The following MAN1A1 variants were observed in gnomAD, a reference collection of about 807,000 sequenced individuals.
MAN1A1 encodes mannosyl-oligosaccharide 1,2-alpha-mannosidase IA.
A neutral mutation model predicts 70.8 loss-of-function variants in MAN1A1; 29 were observed. That is an observed-to-expected ratio of 0.41 (90% CI 0.31 to 0.56). The LOEUF (loss-of-function observed/expected upper bound fraction) is 0.56, where lower values mean the gene tolerates loss of function less well. Among genes scored for constraint, MAN1A1 ranks in the 20% least tolerant of loss-of-function variants. The probability of loss-of-function intolerance (pLI) is 0.29; values close to 1 mark genes in which losing one functional copy is unlikely to be tolerated. For synonymous variants in MAN1A1, 349 were observed against 330.1 expected (o/e 1.06, Z -0.62); for missense variants, 747 against 841.3 (o/e 0.89, Z 1.39).
intron 6 of MAN1A1, among the ~76,000 whole-genome samples, chr6:119,224,297 C>T (rs1363850474): frequency 6.6e-6 from 1 of 152,202 alleles, no homozygotes; most frequent in Non-Finnish European, 1.5e-5. Flanking sequence ...ACTCCTGAAT[C>T]CATGCTCTAC....
chr6:119,260,564 T>C (rs1775578863), intron 5 of MAN1A1, among the ~76,000 whole-genome samples: 1 of 152,218 alleles, frequency 6.6e-6, no homozygotes, highest in African/African-American at 2.4e-5. Flanking sequence ...AAAGTAGCCA[T>C]AGACAAAATG....
chr6:119,290,774 A>C lies in MAN1A1; in HGVS notation c.817-11T>G, dbSNP rs777030181. 3 of 1,564,678 alleles carry C rather than the reference A, an allele frequency of 1.9e-6. No individual in the cohort carries two copies. Among genetic ancestry groups the C allele is most frequent in the Admixed American group, 3.4e-5 (2 of 59,310 alleles). ...AGAAATTTCAGCATTCTATGGAAAA[A>C]AAAAATTCAAACATGATGATAGTAC... On this transcript the variant is annotated splice_polypyrimidine_tract_variant and intron_variant, in intron 4 of 12. Coordinates refer to ENST00000368468, the MANE Select transcript of MAN1A1 (RefSeq NM_005907.4).
At chr6:119,269,082 G>A (rs1775840508) in intron 5 of MAN1A1, 3 of 75,100 alleles carry the variant, frequency 4.0e-5, no homozygotes, top group South Asian at 1.1e-3. Flanking sequence ...CGGCAGCAAC[G>A]GTGGAAGGGC....
intron 6 of MAN1A1, among the ~76,000 whole-genome samples, chr6:119,217,675 T>A (rs568270220): frequency 6.6e-6 from 1 of 152,328 alleles, no homozygotes; most frequent in Admixed American, 6.5e-5. Flanking sequence ...TAAAAAAATT[T>A]ACACAAGTAA....
chr6:119,305,725 T>C (rs550995979), intron 3 of MAN1A1, among the ~76,000 whole-genome samples: 10 of 152,302 alleles, frequency 6.6e-5, no homozygotes, highest in South Asian at 4.1e-4. Flanking sequence ...ACCTGGCGCA[T>C]TGATAAATCA....
chr6:119,269,055 G>A (rs545187656), intron 5 of MAN1A1: 1 of 152,692 alleles, frequency 6.5e-6, no homozygotes, highest in African/African-American at 2.4e-5. Context: ...TGCCACCCTT[G>A]GGTCCTCTAC....
chr6:119,268,107 T>G (rs1224450071), intron 5 of MAN1A1, among the ~76,000 whole-genome samples: 1 of 152,202 alleles, frequency 6.6e-6, no homozygotes, highest in East Asian at 1.9e-4. Context: ...CCAGATCCAT[T>G]AATTCATCAG....
At chr6:119,244,289 C>T (rs569618213) in intron 6 of MAN1A1, among the ~76,000 whole-genome samples, 1 of 152,156 alleles carries the variant, frequency 6.6e-6, no homozygotes, top group African/African-American at 2.4e-5. Context: ...TTGACATTTT[C>T]ACATTAGAGA....
chr6:119,297,788 G>T (rs1772259911), intron 4 of MAN1A1, among the ~76,000 whole-genome samples: 1 of 106,726 alleles, frequency 9.4e-6, no homozygotes, highest in Non-Finnish European at 1.9e-5. Context: ...CGCCCAGGCT[G>T]GAGTTTTTTT....
At position 119,194,830 on chromosome 6, in the gene MAN1A1, AT is replaced by A. The variant is rs200536531; in HGVS notation, c.1211-939del. Among the ~76,000 whole-genome samples, 417 of 107,224 alleles carry A rather than the reference AT, an allele frequency of 3.9e-3. 4 individuals carry two copies. The highest frequency in any genetic ancestry group is 0.011 in the African/African-American group (384 of 34,350). The allele number at this position is 107,224 out of a possible 152,430, so 70.3% of individuals were successfully genotyped here. ...TCACAACTGTAGGATAGGTATCTTC[AT>A]TTTTTTTCTTTTTTTTTTTTGAGAC... On this transcript the variant is annotated intron_variant, in intron 8 of 12. Coordinates refer to ENST00000368468, the MANE Select transcript of MAN1A1 (RefSeq NM_005907.4).
Position 119,342,167 on chromosome 6 carries a change from A to G in MAN1A1, c.603+6296T>C, listed in dbSNP as rs183083786. Among the ~76,000 whole-genome samples the G allele has an allele frequency of 1.2e-3, 189 of 152,346 alleles. 1 individual carries two copies. The highest frequency in any genetic ancestry group is 4.4e-3 in the African/African-American group (183 of 41,582). On this transcript the variant is annotated intron_variant, in intron 2 of 12. Transcript: ENST00000368468. Reference sequence around the variant, plus strand: ...TAAGTTTTTTTGGAATTTGGTAAAAATCAAAGAAAATCAGAGTTGACCGTA... The same window carrying G: ...TAAGTTTTTTTGGAATTTGGTAAAAGTCAAAGAAAATCAGAGTTGACCGTA...
At chr6:119,320,895 T>C (rs1344430244) in intron 2 of MAN1A1, among the ~76,000 whole-genome samples, 1 of 152,188 alleles carries the variant, frequency 6.6e-6, no homozygotes, top group Non-Finnish European at 1.5e-5. Context: ...TACATACCAC[T>C]CTGTTAATAA....
intron 2 of MAN1A1, among the ~76,000 whole-genome samples, chr6:119,309,915 T>G (rs142254522): frequency 1.2e-3 from 188 of 152,338 alleles, no homozygotes; most frequent in Non-Finnish European, 1.5e-3. Flanking sequence ...GCTCATTAAT[T>G]AGGCCAGGTC....
At position 119,290,098 on chromosome 6, in the gene MAN1A1, T is replaced by C. The variant is rs536153581; in HGVS notation, c.897+585A>G. 1.2e-3 allele frequency among the ~76,000 whole-genome samples: 185 copies of C among 152,042 alleles called. 1 individual carries two copies. Among genetic ancestry groups the C allele is most frequent in the African/African-American group, 4.3e-3 (177 of 41,518 alleles). Reference sequence around the variant, plus strand: ...GATACAAAAATCCTTTCTTAATCTATCAATAAAAGGCAGCTAAATTTAAAA... The same window carrying C: ...GATACAAAAATCCTTTCTTAATCTACCAATAAAAGGCAGCTAAATTTAAAA... On this transcript the variant is annotated intron_variant, in intron 5 of 12. Transcript: ENST00000368468.
At chr6:119,307,477 A>G (rs1772564416) in intron 2 of MAN1A1, among the ~76,000 whole-genome samples, 1 of 152,238 alleles carries the variant, frequency 6.6e-6, no homozygotes, top group Non-Finnish European at 1.5e-5. Flanking sequence ...GACGAAGACT[A>G]TATGGAGAAG....
At chr6:119,287,788 A>C (rs961696083) in intron 5 of MAN1A1, among the ~76,000 whole-genome samples, 2 of 151,956 alleles carry the variant, frequency 1.3e-5, no homozygotes, top group African/African-American at 4.8e-5. Flanking sequence ...TATATTTACT[A>C]TCTCCAGTGA....
Position 119,348,488 on chromosome 6 carries a change from C to T in MAN1A1, c.578G>A (p.Arg193His). The T allele has an allele frequency of 6.2e-7, 1 of 1,607,364 alleles. No individual in the cohort carries two copies. Among genetic ancestry groups the T allele is most frequent in the Non-Finnish European group, 8.5e-7 (1 of 1,176,686 alleles). Reference sequence around the variant, plus strand: ...CTCTTTGATCTTTGCCCTTTTCTCGCGGATGGCGGCGTCGGCGGGCTCCCG... The same window carrying T: ...CTCTTTGATCTTTGCCCTTTTCTCGTGGATGGCGGCGTCGGCGGGCTCCCG... Reference protein sequence around the residue: ...ESREPADAAIREKRAKIKEMM... With the variant: ...ESREPADAAIHEKRAKIKEMM... The change falls in exon 2 of 13, where the codon CGC becomes CAC. Residue 193 changes from arginine (R) to histidine (H), a missense_variant. By Grantham distance (29) the Arg-to-His change is conservative. Coordinates refer to ENST00000368468, the MANE Select transcript of MAN1A1 (RefSeq NM_005907.4).
chr6:119,255,313 T>C (rs759936119), intron 5 of MAN1A1, among the ~76,000 whole-genome samples: 57 of 152,238 alleles, frequency 3.7e-4, no homozygotes, highest in Non-Finnish European at 7.6e-4. Flanking sequence ...TAGTTCACCA[T>C]TTGTACAAGT....
rs375181248 is a variant in MAN1A1 at position 119,315,495 on chromosome 6, A to G, written c.604-8503T>C. 1.4e-3 allele frequency among the ~76,000 whole-genome samples: 209 copies of G among 152,330 alleles called. 1 individual carries two copies. The highest frequency in any genetic ancestry group is 0.01 in the Middle Eastern group (3 of 294). On this transcript the variant is annotated intron_variant, in intron 2 of 12. Coordinates refer to ENST00000368468, the MANE Select transcript of MAN1A1 (RefSeq NM_005907.4). ...CAGTGTTTCCAGTTCTAGCTAAAAA[A>G]ATTGGATCATATGCATTTAATGGTT...
Sources: gnomAD v4.1 joint callset for allele counts (sites outside exome capture counted in the v4.1 genomes callset) on GRCh38, gnomAD v4.1.1 for gene constraint, MANE v1.5 for transcripts, NCBI Gene and HGNC (gene_info 2026-07-23, HGNC 2026-07-21) for gene names.